Variants in RAB28 observed in about 807,000 individuals in gnomAD.
The protein encoded by RAB28 is ras-related protein Rab-28.
Under a neutral mutation model 31.7 loss-of-function variants are expected in RAB28, and 24 were observed. That is an observed-to-expected ratio of 0.76 (90% CI 0.55 to 1.06). The LOEUF (loss-of-function observed/expected upper bound fraction) is 1.06, where lower values mean the gene tolerates loss of function less well. Ranked by LOEUF, RAB28 falls within the 50% of genes least tolerant of loss-of-function variation. The pLI is 0.00. For synonymous variants in RAB28, 100 were observed against 90.4 expected, an observed-to-expected ratio of 1.11 and a Z score of -0.60; for missense variants, 254 against 258.5, an observed-to-expected ratio of 0.98 and a Z score of 0.12.
intron 6 of RAB28, among the ~76,000 whole-genome samples, chr4:13,374,748 T>A (rs934123893): frequency 7.2e-5 from 11 of 152,054 alleles, no homozygotes; most frequent in Admixed American, 2.6e-4. Context: ...TTTCACATGG[T>A]AGCAGTAACT....
chr4:13,478,968 G>A (rs1037391354), intron 2 of RAB28, among the ~76,000 whole-genome samples: 1 of 151,526 alleles, frequency 6.6e-6, no homozygotes, highest in Non-Finnish European at 1.5e-5. Context: ...GCATAAAACA[G>A]CATTCACATA....
rs887998280 is a variant in RAB28 at position 13,399,725 on chromosome 4, A to G, written c.392-18131T>C. Among the ~76,000 whole-genome samples the G allele has an allele frequency of 3.9e-5, 6 of 152,040 alleles. No individual in the cohort carries two copies. In the South Asian group the frequency reaches 1.0e-3, roughly 26 times the overall value. ...GTCTTTCTTCTTCCATGAAATTTCT[A>G]TTTATGTTTTATGTCCTTTTTTTAA... On this transcript the variant is annotated intron_variant, in intron 4 of 6. Coordinates refer to ENST00000330852, the MANE Select transcript of RAB28 (RefSeq NM_001017979.3).
chr4:13,399,988 T>G (rs891858213), intron 4 of RAB28, among the ~76,000 whole-genome samples: 1 of 152,204 alleles, frequency 6.6e-6, no homozygotes, highest in Non-Finnish European at 1.5e-5. Context: ...ATTTTTTTAT[T>G]CTGTAAAGTT....
At chr4:13,399,165 G>A (rs1026230700) in intron 4 of RAB28, among the ~76,000 whole-genome samples, 11 of 152,132 alleles carry the variant, frequency 7.2e-5, no homozygotes, top group East Asian at 1.9e-4. Flanking sequence ...GTCTAGCTCC[G>A]GAGTCTGTAT....
intron 4 of RAB28, among the ~76,000 whole-genome samples, chr4:13,446,078 A>G (rs1297870645): frequency 6.6e-6 from 1 of 152,098 alleles, no homozygotes; most frequent in African/African-American, 2.4e-5. Flanking sequence ...CCCAGTAAGG[A>G]GGAATTAAGA....
At chr4:13,428,691 T>C (rs1204220595) in intron 4 of RAB28, among the ~76,000 whole-genome samples, 1 of 152,142 alleles carries the variant, frequency 6.6e-6, no homozygotes, top group African/African-American at 2.4e-5. Context: ...GCACCAAGTA[T>C]TCCTCTCCAG....
chr4:13,475,059 A>G (rs1248864051), intron 2 of RAB28, among the ~76,000 whole-genome samples: 2 of 151,688 alleles, frequency 1.3e-5, no homozygotes, highest in Non-Finnish European at 3.0e-5. Context: ...AAATATTACA[A>G]TGCTTTCAAA....
chr4:13,381,696 T>C (rs1424185218), intron 4 of RAB28, 102 bp from the exon 5 acceptor site: 1 of 784,058 alleles, frequency 1.3e-6, no homozygotes, highest in Non-Finnish European at 2.0e-6. Flanking sequence ...ATATTCCAGC[T>C]TCGACATCAG....
intron 4 of RAB28, among the ~76,000 whole-genome samples, chr4:13,424,413 C>CTG (rs1274739074): frequency 6.6e-6 from 1 of 152,162 alleles, no homozygotes; most frequent in Non-Finnish European, 1.5e-5. Flanking sequence ...AACTTTCTTC[C>CTG]TGTGTGTCTG....
intron 6 of RAB28, among the ~76,000 whole-genome samples, chr4:13,372,377 T>C (rs28631107): frequency 0.038 from 5,768 of 152,180 alleles, 188 homozygotes; most frequent in African/African-American, 0.087. Flanking sequence ...ACGAATGGGC[T>C]ATTATATGCT....
chr4:13,419,956 A>G (rs749972670), intron 4 of RAB28, among the ~76,000 whole-genome samples: 4 of 152,164 alleles, frequency 2.6e-5, no homozygotes, highest in Non-Finnish European at 4.4e-5. Context: ...AAAAAAATCA[A>G]TGAATCCAGG....
intron 4 of RAB28, among the ~76,000 whole-genome samples, chr4:13,448,912 AAGCAGC>A (rs371746319): frequency 6.6e-6 from 1 of 151,730 alleles, no homozygotes; most frequent in Non-Finnish European, 1.5e-5. Context: ...AAAAAAGAAA[AAGCAGC>A]AGCAGCAGCA....
chr4:13,380,334 T>C (rs1258181120), intron 5 of RAB28, among the ~76,000 whole-genome samples: 2 of 152,158 alleles, frequency 1.3e-5, no homozygotes, highest in African/African-American at 4.8e-5. Context: ...AATTTCAAAC[T>C]TCTTTTAGTT....
intron 6 of RAB28, among the ~76,000 whole-genome samples, chr4:13,374,223 C>T (rs1482733628): frequency 1.3e-5 from 2 of 151,926 alleles, no homozygotes; most frequent in Non-Finnish European, 2.9e-5. Flanking sequence ...TAAATGCCAC[C>T]AACAAACTGA....
chr4:13,452,803 A>C (rs1434899061), intron 4 of RAB28, among the ~76,000 whole-genome samples: 2 of 152,078 alleles, frequency 1.3e-5, no homozygotes, highest in Non-Finnish European at 2.9e-5. Flanking sequence ...TCTATCATGC[A>C]GTTTAAATCC....
intron 4 of RAB28, among the ~76,000 whole-genome samples, chr4:13,418,511 G>C (rs944177212): frequency 6.6e-6 from 1 of 152,076 alleles, no homozygotes; most frequent in African/African-American, 2.4e-5. Context: ...GAGAAAAGTC[G>C]GGTTACTCAC....
At chr4:13,454,404 TC>T (rs1715176027) in intron 4 of RAB28, among the ~76,000 whole-genome samples, 1 of 152,212 alleles carries the variant, frequency 6.6e-6, no homozygotes, top group African/African-American at 2.4e-5. Flanking sequence ...CCTTGCTTTT[TC>T]ATGTTTGATG....
At chr4:13,440,713 A>C (rs1232013211) in intron 4 of RAB28, among the ~76,000 whole-genome samples, 2 of 152,120 alleles carry the variant, frequency 1.3e-5, no homozygotes, top group Admixed American at 1.3e-4. Flanking sequence ...AAATGTTAAC[A>C]CCCTAATACC....
At chr4:13,399,168 G>A (rs1229747949) in intron 4 of RAB28, among the ~76,000 whole-genome samples, 1 of 152,176 alleles carries the variant, frequency 6.6e-6, no homozygotes, top group African/African-American at 2.4e-5. Flanking sequence ...TAGCTCCGGA[G>A]TCTGTATTCT....
Sources: allele counts gnomAD v4.1 joint callset (sites outside exome capture counted in the v4.1 genomes callset), GRCh38; gene constraint gnomAD v4.1.1; transcripts MANE v1.5; gene names NCBI Gene and HGNC (gene_info 2026-07-23, HGNC 2026-07-21).